Variants in PDE1A observed in about 807,000 individuals in gnomAD.
PDE1A encodes the protein phosphodiesterase 1A, also known as dual specificity calcium/calmodulin-dependent 3',5'-cyclic nucleotide phosphodiesterase 1A.
A neutral mutation model predicts 61.7 loss-of-function variants in PDE1A; 35 were observed. The ratio of observed to expected loss-of-function variants is 0.57; its 90% confidence interval spans 0.43 to 0.75. The LOEUF is 0.75. Among genes scored for constraint, PDE1A ranks in the 30% least tolerant of loss-of-function variants. PDE1A has a pLI of 0.00. For missense variants in PDE1A, 597 were observed against 630.6 expected, an observed-to-expected ratio of 0.95 and a Z score of 0.57; for synonymous variants, 232 against 213.2, an observed-to-expected ratio of 1.09 and a Z score of -0.77.
At chr2:182,245,380 C>T (rs915975395) in intron 2 of PDE1A, among the ~76,000 whole-genome samples, 1 of 152,122 alleles carries the variant, frequency 6.6e-6, no homozygotes, top group African/African-American at 2.4e-5. Context: ...TCTATGAGGA[C>T]TCACACTTTC....
chr2:182,275,506 T>C (rs1482992801), intron 1 of PDE1A, among the ~76,000 whole-genome samples: 1 of 152,104 alleles, frequency 6.6e-6, no homozygotes, highest in African/African-American at 2.4e-5. Flanking sequence ...CAGAAAGTTT[T>C]TCTTGAGATT....
At chr2:182,401,647 T>C (rs1021449866) in intron 1 of PDE1A, among the ~76,000 whole-genome samples, 5 of 152,204 alleles carry the variant, frequency 3.3e-5, no homozygotes, top group African/African-American at 4.8e-5. Flanking sequence ...ACCACTCCTG[T>C]TCAACATAGT....
intron 1 of PDE1A, among the ~76,000 whole-genome samples, chr2:182,378,874 A>T (rs1700567559): frequency 6.6e-6 from 1 of 152,146 alleles, no homozygotes; most frequent in Non-Finnish European, 1.5e-5. Flanking sequence ...ATTATCCAGT[A>T]TTTTTGGATT....
rs371229271 is a variant in PDE1A, at chr2:182,310,308, T to C, written c.54-45894A>G. Among the ~76,000 whole-genome samples, 10 of 152,294 alleles carry C rather than the reference T, an allele frequency of 6.6e-5. No homozygotes were observed. In the East Asian group the frequency reaches 7.7e-4, roughly 12 times the overall value. ...TAATAACTTATTAATATCTTCTCTTTAGAGGAGAACAAGATAGGCAAAGGA... is the reference window on the plus strand; with the variant it reads ...TAATAACTTATTAATATCTTCTCTTCAGAGGAGAACAAGATAGGCAAAGGA... On this transcript the variant is annotated intron_variant, in intron 1 of 13. Coordinates refer to ENST00000351439, the Ensembl canonical transcript of PDE1A.
intron 1 of PDE1A, among the ~76,000 whole-genome samples, chr2:182,367,298 A>G (rs927939818): frequency 2.0e-5 from 3 of 152,066 alleles, no homozygotes; most frequent in Non-Finnish European, 2.9e-5. Context: ...TATGACTAGA[A>G]TCACTAGAAT....
chr2:182,464,245 A>G (rs776114246), intron 2 of PDE1A, among the ~76,000 whole-genome samples: 3 of 152,160 alleles, frequency 2.0e-5, no homozygotes, highest in South Asian at 2.1e-4. Flanking sequence ...GTGTTAAAGC[A>G]TGGTAAGAAA....
chr2:182,202,863 A>T (rs1305688189), intron 8 of PDE1A, among the ~76,000 whole-genome samples: 1 of 152,220 alleles, frequency 6.6e-6, no homozygotes, highest in Non-Finnish European at 1.5e-5. Context: ...CAGATAAGTT[A>T]AAAAAGTCAC....
At chr2:182,537,632 G>C in the PDE1A span, among the ~76,000 whole-genome samples, 1 of 151,874 alleles carries the variant, frequency 6.6e-6, no homozygotes, top group South Asian at 2.1e-4. Context: ...GTGTATTCCA[G>C]AACTTAAAGT....
the PDE1A span, among the ~76,000 whole-genome samples, chr2:182,692,799 C>T: frequency 6.6e-6 from 1 of 151,616 alleles, no homozygotes; most frequent in East Asian, 1.9e-4. Flanking sequence ...CTAGTTCTTA[C>T]ACAGTAGTCA....
chr2:182,620,060 A>G, the PDE1A span, among the ~76,000 whole-genome samples: 1 of 152,150 alleles, frequency 6.6e-6, no homozygotes, highest in African/African-American at 2.4e-5. Context: ...TTTCAACATG[A>G]GTTTTGGAGG....
exon 15 of PDE1A, chr2:182,140,560 G>A (rs1369695568): frequency 6.6e-6 from 1 of 152,106 alleles, no homozygotes; most frequent in Non-Finnish European, 1.5e-5. Flanking sequence ...AAAAACACAA[G>A]AATTGTAGGT....
At chr2:182,700,128 C>T in the PDE1A span, among the ~76,000 whole-genome samples, 9 of 152,300 alleles carry the variant, frequency 5.9e-5, no homozygotes, top group South Asian at 1.9e-3. Context: ...GACATTAATA[C>T]AAGTGCTTTC....
intron 2 of PDE1A, among the ~76,000 whole-genome samples, chr2:182,433,672 A>G (rs531566196): frequency 1.6e-4 from 25 of 152,110 alleles, no homozygotes; most frequent in Non-Finnish European, 2.9e-4. Flanking sequence ...TTATCACTAT[A>G]TATGATGAAA....
At position 182,375,190 on chromosome 2, in the gene PDE1A, T is replaced by C. The variant is rs567681303; in HGVS notation, c.53+51388A>G. Among the ~76,000 whole-genome samples, 375 of 152,274 alleles carry C rather than the reference T, an allele frequency of 2.5e-3. 1 individual carries two copies. The highest frequency in any genetic ancestry group is 4.7e-3 in the Non-Finnish European group (317 of 68,018). ...CTCTTCCAAATCTTATGTCTTCACA[T>C]TTCAAAACCAATCATGCCTTCCCAG... On this transcript the variant is annotated intron_variant, in intron 1 of 13. Coordinates refer to ENST00000351439, the Ensembl canonical transcript of PDE1A.
chr2:182,275,510 T>A lies in PDE1A; in HGVS notation c.54-11096A>T, dbSNP rs745571082. Among the ~76,000 whole-genome samples, 28 of 152,090 alleles carry A rather than the reference T, an allele frequency of 1.8e-4. 1 individual carries two copies. Among genetic ancestry groups the A allele is most frequent in the Non-Finnish European group, 2.9e-5 (2 of 67,990 alleles). On this transcript the variant is annotated intron_variant, in intron 1 of 13. Coordinates refer to ENST00000351439, the Ensembl canonical transcript of PDE1A. ...CCAGAAGGTGTCAGAAAGTTTTTCT[T>A]GAGATTTGCAAATAAGGCAGAAAGG...
At chr2:182,226,719 A>G (rs941113903) in intron 6 of PDE1A, among the ~76,000 whole-genome samples, 1 of 149,838 alleles carries the variant, frequency 6.7e-6, no homozygotes, top group African/African-American at 2.5e-5. Flanking sequence ...CTGATTCCTA[A>G]TAGGCAGAAA....
chr2:182,155,848 A>G (rs1691051468), intron 13 of PDE1A, among the ~76,000 whole-genome samples: 2 of 152,146 alleles, frequency 1.3e-5, no homozygotes. Flanking sequence ...CCGAGATTGC[A>G]CCATTGCACT....
chr2:182,578,373 A>G, the PDE1A span, among the ~76,000 whole-genome samples: 1 of 152,186 alleles, frequency 6.6e-6, no homozygotes, highest in African/African-American at 2.4e-5. Flanking sequence ...TATTCCAAAC[A>G]TAGGAAACAA....
At chr2:182,157,017 T>TA (rs1559121608) in intron 13 of PDE1A, among the ~76,000 whole-genome samples, 5 of 145,424 alleles carry the variant, frequency 3.4e-5, no homozygotes, top group African/African-American at 5.1e-5. Context: ...TTATTTTATT[T>TA]TATTTTTTTT....
Sources: gnomAD v4.1 joint callset for allele counts (sites outside exome capture counted in the v4.1 genomes callset) on GRCh38, gnomAD v4.1.1 for gene constraint, MANE v1.5 for transcripts, NCBI Gene and HGNC (gene_info 2026-07-23, HGNC 2026-07-21) for gene names.